WWP2: variants seen among roughly 807,000 people sequenced by gnomAD.
WWP2 encodes WW domain containing E3 ubiquitin protein ligase 2.
In WWP2, 57 loss-of-function variants were observed where a neutral mutation model predicts 121.0. The observed-to-expected ratio is 0.47, with a 90% CI of 0.38 to 0.59. The LOEUF (loss-of-function observed/expected upper bound fraction) is 0.59, where lower values mean the gene tolerates loss of function less well. WWP2 is among the 20% of genes least tolerant of loss of function. The probability of loss-of-function intolerance (pLI) is 0.00; values close to 1 mark genes in which losing one functional copy is unlikely to be tolerated. For synonymous variants in WWP2, 449 were observed against 441.3 expected (o/e 1.02, Z -0.22); for missense variants, 962 against 1,158.9 (o/e 0.83, Z 2.47).
intron 1 of WWP2, among the ~76,000 whole-genome samples, chr16:69,769,450 T>C (rs1292920576): frequency 1.3e-5 from 2 of 152,142 alleles, no homozygotes; most frequent in Admixed American, 6.6e-5. Flanking sequence ...TGAAAAAAAT[T>C]TTTTAAAACA....
At chr16:69,862,357 G>A (rs1028955788) in intron 6 of WWP2, among the ~76,000 whole-genome samples, 16 of 152,174 alleles carry the variant, frequency 1.1e-4, no homozygotes, top group African/African-American at 3.9e-4. Context: ...GAGCTACCGC[G>A]CCTGGCCCTT....
chr16:69,885,584 A>G (rs979931443), intron 7 of WWP2, among the ~76,000 whole-genome samples: 1 of 152,190 alleles, frequency 6.6e-6, no homozygotes, highest in Admixed American at 6.5e-5. Flanking sequence ...CAATTTTTAC[A>G]TGGTTGCTAA....
chr16:69,902,125 G>A (rs1387590396), intron 8 of WWP2, among the ~76,000 whole-genome samples: 1 of 152,152 alleles, frequency 6.6e-6, no homozygotes, highest in Non-Finnish European at 1.5e-5. Context: ...CTGTAACAAC[G>A]GGTAATTGAG....
chr16:69,762,593 CCGCGGCCCGCG>C (rs909609962), intron 1 of WWP2, among the ~76,000 whole-genome samples: 4 of 151,254 alleles, frequency 2.6e-5, no homozygotes, highest in African/African-American at 9.7e-5. Flanking sequence ...GGTGGGCGCG[CCGCGGCCCGCG>C]CGGGGGTTGC....
At chr16:69,831,559 G>A (rs2056794266) in intron 4 of WWP2, among the ~76,000 whole-genome samples, 1 of 152,034 alleles carries the variant, frequency 6.6e-6, no homozygotes, top group Admixed American at 6.6e-5. Flanking sequence ...GGTCAAGAAA[G>A]GGAAAAAGTA....
At chr16:69,803,953 AC>A (rs2056224797) in intron 4 of WWP2, among the ~76,000 whole-genome samples, 2 of 152,086 alleles carry the variant, frequency 1.3e-5, no homozygotes, top group African/African-American at 4.8e-5. Context: ...AGCAGCCTCC[AC>A]CCTACTTTTT....
intron 6 of WWP2, among the ~76,000 whole-genome samples, chr16:69,867,309 G>A (rs1466165521): frequency 1.3e-5 from 2 of 152,176 alleles, no homozygotes; most frequent in Non-Finnish European, 2.9e-5. Context: ...GCAGCATTGT[G>A]TGCTATGATA....
chr16:69,925,115 C>A lies in WWP2; in HGVS notation c.1180-315C>A. 1 of 1,119,738 alleles carries A rather than the reference C, an allele frequency of 8.9e-7. No individual in the cohort carries two copies. The highest frequency in any genetic ancestry group is 1.1e-6 in the Non-Finnish European group (1 of 914,626). 69.4% of individuals were successfully genotyped at this position (1,119,738 alleles called of 1,614,324 possible). ...CTGCTTCCCGGGCCTTCCTACCATG[C>A]CAGGGCTGCTCCCTGCCTCCGCCAC... On this transcript the variant is annotated intron_variant, in intron 10 of 23. Coordinates refer to ENST00000359154, the MANE Select transcript of WWP2 (RefSeq NM_001270454.2). This position sits in a 1 kb window ranked among gnomAD's most constrained non-coding sequence, Gnocchi z 4.0.
At chr16:69,822,516 T>C (rs1174847340) in intron 4 of WWP2, among the ~76,000 whole-genome samples, 1 of 152,112 alleles carries the variant, frequency 6.6e-6, no homozygotes, top group Non-Finnish European at 1.5e-5. Context: ...TGGGAGACTT[T>C]GCCTGGCCTG....
At chr16:69,933,542 G>T (rs2058750879) in intron 16 of WWP2, among the ~76,000 whole-genome samples, 1 of 152,190 alleles carries the variant, frequency 6.6e-6, no homozygotes. Flanking sequence ...AAACAGGGTA[G>T]TTACTATTCA....
At chr16:69,906,361 C>A (rs1000582634) in intron 8 of WWP2, among the ~76,000 whole-genome samples, 1 of 152,130 alleles carries the variant, frequency 6.6e-6, no homozygotes, top group Admixed American at 6.6e-5. Context: ...TGTCAGCCAC[C>A]GCACCCGGCC....
At chr16:69,884,307 G>A (rs982898970) in intron 7 of WWP2, among the ~76,000 whole-genome samples, 2 of 152,170 alleles carry the variant, frequency 1.3e-5, no homozygotes, top group Non-Finnish European at 2.9e-5. Flanking sequence ...CTCCAGCCAA[G>A]GATGGGGACA....
At position 69,935,760 on chromosome 16, in the gene WWP2, G is replaced by A. The variant is rs1333139163; in HGVS notation, c.1843-93G>A. 1 of 1,506,764 alleles carries A rather than the reference G, an allele frequency of 6.6e-7. No homozygotes were observed. The highest frequency in any genetic ancestry group is 1.4e-5 in the African/African-American group (1 of 71,700). 93.3% of individuals were successfully genotyped at this position (1,506,764 alleles called of 1,614,324 possible). On this transcript the variant is annotated intron_variant, in intron 17 of 23. Coordinates refer to ENST00000359154, the MANE Select transcript of WWP2 (RefSeq NM_001270454.2). The surrounding 1 kb of genome is among the most constrained non-coding windows in gnomAD (Gnocchi z 5.2). ...TTCTGTCAGGGAAGGAAGGCGGGTA[G>A]CGGTAGCAGAGTTTGATACCGAGCA...
chr16:69,871,685 A>G (rs1049604961), intron 6 of WWP2, 119 bp from the exon 7 acceptor site: 11 of 1,444,422 alleles, frequency 7.6e-6, no homozygotes, highest in Admixed American at 6.1e-5. Flanking sequence ...TAGAGGGGCT[A>G]TTAAAGGTCT....
chr16:69,859,160 A>T (rs1310862095), intron 6 of WWP2, among the ~76,000 whole-genome samples: 1 of 152,240 alleles, frequency 6.6e-6, no homozygotes, highest in African/African-American at 2.4e-5. Context: ...GTCCAGGATC[A>T]CACGGCTGAC....
At chr16:69,868,184 T>C (rs1174325502) in intron 6 of WWP2, among the ~76,000 whole-genome samples, 1 of 152,070 alleles carries the variant, frequency 6.6e-6, no homozygotes, top group Non-Finnish European at 1.5e-5. Flanking sequence ...TGTGTGTGTG[T>C]TGGGGGGTGG....
intron 2 of WWP2, among the ~76,000 whole-genome samples, chr16:69,796,857 T>C (rs910907387): frequency 6.6e-6 from 1 of 152,250 alleles, no homozygotes; most frequent in East Asian, 1.9e-4. Flanking sequence ...CTTCTGTTCC[T>C]TTGGGGCCAG....
chr16:69,834,141 C>G (rs1187932838), intron 4 of WWP2, among the ~76,000 whole-genome samples: 2 of 152,184 alleles, frequency 1.3e-5, no homozygotes, highest in African/African-American at 4.8e-5. Flanking sequence ...GAGTCCCGTC[C>G]CATGTTGAGC....
chr16:69,913,899 C>T (rs1428057665), intron 9 of WWP2, among the ~76,000 whole-genome samples: 3 of 150,798 alleles, frequency 2.0e-5, no homozygotes, highest in East Asian at 2.0e-4. Context: ...GTGAAACCCC[C>T]GTCTCTACTA....
Sources: allele counts gnomAD v4.1 joint callset (sites outside exome capture counted in the v4.1 genomes callset), GRCh38; gene constraint gnomAD v4.1.1; non-coding constraint Gnocchi (gnomAD v3.1); transcripts MANE v1.5; gene names NCBI Gene and HGNC (gene_info 2026-07-23, HGNC 2026-07-21).